Variants in TTL observed in about 807,000 individuals in gnomAD.
TTL encodes the protein tubulin--tyrosine ligase.
Under a neutral mutation model 41.1 loss-of-function variants are expected in TTL, and 10 were observed. That is an observed-to-expected ratio of 0.24 (90% CI 0.15 to 0.41). The LOEUF (loss-of-function observed/expected upper bound fraction) is 0.41, where lower values mean the gene tolerates loss of function less well. Ranked by LOEUF, TTL falls within the 10% of genes least tolerant of loss-of-function variation. The pLI is 1.00. For missense variants in TTL, 367 were observed against 460.4 expected, an observed-to-expected ratio of 0.80 and a Z score of 1.86; for synonymous variants, 175 against 175.5, an observed-to-expected ratio of 1.00 and a Z score of 0.02.
intron 5 of TTL, among the ~76,000 whole-genome samples, chr2:112,512,380 A>G (rs1250171925): frequency 6.6e-6 from 1 of 151,610 alleles, no homozygotes; most frequent in African/African-American, 2.4e-5. Flanking sequence ...CTCCTGCCTC[A>G]GCCTCCCGAA....
Position 112,492,233 on chromosome 2 carries a change from A to G in TTL, c.237-1910A>G, listed in dbSNP as rs184223881. Among the ~76,000 whole-genome samples the G allele has an allele frequency of 4.0e-4, 61 of 152,350 alleles. No homozygotes were observed. In the East Asian group the frequency reaches 8.3e-3, roughly 21 times the overall value. ...AGTGAAGTATTATCTCACCATATCA[A>G]TAAAGTTGTGCTTAATGGAAAAATA... On this transcript the variant is annotated intron_variant, in intron 2 of 6. Transcript: ENST00000233336.
At position 112,536,735 on chromosome 2, in the gene TTL, T is replaced by C. The variant is rs1574078541; in HGVS notation, c.*7940T>C. The C allele has an allele frequency of 6.6e-6, 1 of 152,326 alleles. No individual in the cohort carries two copies. Among genetic ancestry groups the C allele is most frequent in the South Asian group, 2.1e-4 (1 of 4,830 alleles). 9.4% of individuals were successfully genotyped at this position (152,326 alleles called of 1,614,324 possible). A position where few individuals can be genotyped will look rare whatever the true frequency, so the allele number is the denominator to read the frequency against. On this transcript the variant is annotated 3_prime_UTR_variant, in exon 7 of 7. Coordinates refer to ENST00000233336, the MANE Select transcript of TTL (RefSeq NM_153712.5). ...TCTCTTGTTGCCATTTTTGTGTCCA[T>C]GTGTATCTAATGTTTGGCTCCCACT...
At position 112,482,232 on chromosome 2, in the gene TTL, C is replaced by A; in HGVS notation, c.-113C>A. On this transcript the variant is annotated 5_prime_UTR_variant, in exon 1 of 7. Transcript: ENST00000233336. The surrounding 1 kb of genome is among the most constrained non-coding windows in gnomAD (Gnocchi z 5.3). ...CGAGAGGCGCGGTAGCCGGCGCGGG[C>A]GGCGGGGGCCGGGCCGCGGCGGGCG... The A allele has an allele frequency of 2.5e-6, 2 of 784,772 alleles. No individual in the cohort carries two copies. The highest frequency in any genetic ancestry group is 3.1e-6 in the Non-Finnish European group (2 of 650,400). 48.6% of individuals were successfully genotyped at this position (784,772 alleles called of 1,614,324 possible).
At position 112,523,245 on chromosome 2, in the gene TTL, C is replaced by T. The variant is rs114801513; in HGVS notation, c.1019+2820C>T. Among the ~76,000 whole-genome samples the T allele has an allele frequency of 8.5e-3, 1,298 of 152,246 alleles. 21 individuals carry two copies. Among genetic ancestry groups the T allele is most frequent in the African/African-American group, 0.03 (1,228 of 41,542 alleles). On this transcript the variant is annotated intron_variant, in intron 6 of 6. Coordinates refer to ENST00000233336, the MANE Select transcript of TTL (RefSeq NM_153712.5). ...CTTGAGGAAGCTTTCTCTGAACAGT[C>T]CTAGCTCTGATTTTCTCTAGGCAGA...
intron 3 of TTL, among the ~76,000 whole-genome samples, chr2:112,497,870 G>T (rs546383168): frequency 6.6e-6 from 1 of 152,106 alleles, no homozygotes; most frequent in Non-Finnish European, 1.5e-5. Flanking sequence ...AAACCACAAC[G>T]AACTGTCACT....
At chr2:112,525,599 G>C (rs1682351690) in intron 6 of TTL, among the ~76,000 whole-genome samples, 1 of 152,148 alleles carries the variant, frequency 6.6e-6, no homozygotes, top group Non-Finnish European at 1.5e-5. Context: ...TCTGTTATTG[G>C]TTTATAGGAA....
At chr2:112,492,701 G>A (rs970903910) in intron 2 of TTL, among the ~76,000 whole-genome samples, 10 of 151,780 alleles carry the variant, frequency 6.6e-5, no homozygotes, top group African/African-American at 2.2e-4. Flanking sequence ...CTGCACTTCA[G>A]CCTGGGCGAC....
chr2:112,527,952 A>G (rs368999346), intron 6 of TTL, among the ~76,000 whole-genome samples: 1 of 152,152 alleles, frequency 6.6e-6, no homozygotes, highest in Non-Finnish European at 1.5e-5. Flanking sequence ...GGCTGGTACC[A>G]GTTGTTCCTT....
chr2:112,532,458 T>G lies in TTL; in HGVS notation c.*3663T>G, dbSNP rs1682530336. The stretch of plus-strand genomic sequence containing the variant: ...TGTAGGTATTGACTGTCCTGGGATA[T>G]CACTGGTCATTTAAATTCACCATAT... On this transcript the variant is annotated 3_prime_UTR_variant, in exon 7 of 7. Transcript: ENST00000233336. 1 of 220,770 alleles carries G rather than the reference T, an allele frequency of 4.5e-6. No individual in the cohort carries two copies. The highest frequency in any genetic ancestry group is 6.6e-5 in the East Asian group (1 of 15,196). 13.7% of individuals were successfully genotyped at this position (220,770 alleles called of 1,614,324 possible). A position where few individuals can be genotyped will look rare whatever the true frequency, so the allele number is the denominator to read the frequency against.
At chr2:112,520,130 CA>C (rs34238996) in intron 5 of TTL, 151 bp from the exon 6 acceptor site, 124,567 of 502,766 alleles carry the variant, frequency 0.25, 1,671 homozygotes, top group African/African-American at 0.32. Flanking sequence ...AACTCCGTCT[CA>C]AAAAAAAAAA....
chr2:112,500,904 A>G (rs563826360), intron 3 of TTL, among the ~76,000 whole-genome samples: 1 of 146,390 alleles, frequency 6.8e-6, no homozygotes, highest in Non-Finnish European at 1.5e-5. Flanking sequence ...GACTAGTAAT[A>G]GAATGGTATT....
In TTL at chr2:112,532,582, C is replaced by T. The variant is rs1231900165; in HGVS notation, c.*3787C>T. The T allele has an allele frequency of 5.2e-6, 1 of 194,108 alleles. No homozygotes were observed. The highest frequency in any genetic ancestry group is 1.1e-5 in the Non-Finnish European group (1 of 93,082). 12.0% of individuals were successfully genotyped at this position (194,108 alleles called of 1,614,324 possible). ...AGTGAACCATGTTCACACCACTGTA[C>T]TCTAGCTTGAGCAACAGAGCAAGAC... On this transcript the variant is annotated 3_prime_UTR_variant, in exon 7 of 7. Coordinates refer to ENST00000233336, the MANE Select transcript of TTL (RefSeq NM_153712.5).
chr2:112,491,410 A>G (rs1176413470), intron 2 of TTL, among the ~76,000 whole-genome samples: 1 of 152,254 alleles, frequency 6.6e-6, no homozygotes, highest in Non-Finnish European at 1.5e-5. Context: ...CAGTTCACCT[A>G]AAGCTAAAGA....
Position 112,531,850 on chromosome 2 carries a change from T to C in TTL, c.*3055T>C. ...ACATGCTTTCATTTACATAAATAGT[T>C]TATGAAGCTTTGACAACAAATGTAA... On this transcript the variant is annotated 3_prime_UTR_variant, in exon 7 of 7. Coordinates refer to ENST00000233336, the MANE Select transcript of TTL (RefSeq NM_153712.5). The C allele has an allele frequency of 4.5e-6, 1 of 222,602 alleles. No homozygotes were observed. The highest frequency in any genetic ancestry group is 5.7e-5 in the Admixed American group (1 of 17,438). The allele number at this position is 222,602 out of a possible 1,614,324, so 13.8% of individuals were successfully genotyped here. A position where few individuals can be genotyped will look rare whatever the true frequency, so the allele number is the denominator to read the frequency against.
intron 2 of TTL, among the ~76,000 whole-genome samples, chr2:112,489,891 GA>G (rs1681334511): frequency 6.6e-6 from 1 of 152,176 alleles, no homozygotes; most frequent in Non-Finnish European, 1.5e-5. Flanking sequence ...ATTACTGAGT[GA>G]AAATGATGAT....
chr2:112,528,657 G>A, intron 6 of TTL, 24 bp from the exon 7 acceptor site: 1 of 1,582,180 alleles, frequency 6.3e-7, no homozygotes, highest in Non-Finnish European at 8.7e-7. Context: ...CATCCTCAAT[G>A]ATATTTTTAA....
intron 5 of TTL, among the ~76,000 whole-genome samples, chr2:112,514,007 C>A (rs1380841531): frequency 6.6e-6 from 1 of 152,108 alleles, no homozygotes; most frequent in African/African-American, 2.4e-5. Flanking sequence ...TAGAGTTCCC[C>A]ACATTTTGAC....
At chr2:112,513,672 ATAT>A (rs1368962971) in intron 5 of TTL, among the ~76,000 whole-genome samples, 1 of 151,406 alleles carries the variant, frequency 6.6e-6, no homozygotes, top group African/African-American at 2.4e-5. Flanking sequence ...TATACAAATA[ATAT>A]TAAGCAAAAA....
chr2:112,482,156 G>C lies in TTL; in HGVS notation c.-189G>C. On this transcript the variant is annotated 5_prime_UTR_variant, in exon 1 of 7. Transcript: ENST00000233336. This position sits in a 1 kb window ranked among gnomAD's most constrained non-coding sequence, Gnocchi z 5.3. ...CGGCGGGGGCGGGCGTGCGAGCGGC[G>C]CTTTCCTCTCCGGCACCCGGCGGGC... 6.1e-6 allele frequency: 1 copy of C among 165,186 alleles called. No homozygotes were observed. The allele number at this position is 165,186 out of a possible 1,614,324, so 10.2% of individuals were successfully genotyped here. A position where few individuals can be genotyped will look rare whatever the true frequency, so the allele number is the denominator to read the frequency against.
Sources: allele counts gnomAD v4.1 joint callset (sites outside exome capture counted in the v4.1 genomes callset), GRCh38; gene constraint gnomAD v4.1.1; non-coding constraint Gnocchi (gnomAD v3.1); transcripts MANE v1.5; gene names NCBI Gene and HGNC (gene_info 2026-07-23, HGNC 2026-07-21).